Variants in C5orf47 observed in about 807,000 individuals in gnomAD.
C5orf47 encodes uncharacterized protein C5orf47.
Under a neutral mutation model 20.6 loss-of-function variants are expected in C5orf47, and 20 were observed. The ratio of observed to expected loss-of-function variants is 0.97; its 90% CI spans 0.68 to 1.41. C5orf47 has a LOEUF of 1.41. C5orf47 is among the 40% of genes most tolerant of loss of function. The pLI is 0.00. For synonymous variants in C5orf47, 106 were observed against 97.3 expected (o/e 1.09, Z -0.53); for missense variants, 262 against 238.4 (o/e 1.10, Z -0.65).
chr5:174,002,104 A>G (rs151171034), intron 4 of C5orf47, among the ~76,000 whole-genome samples: 408 of 151,732 alleles, frequency 2.7e-3, no homozygotes, highest in Non-Finnish European at 4.5e-3. Context: ...GACTACAAGT[A>G]TGCACCACCA....
At chr5:174,006,207 C>G (rs1759291375), downstream of C5orf47, 1 of 152,298 alleles carries the variant, frequency 6.6e-6, no homozygotes, top group Non-Finnish European at 1.5e-5. Flanking sequence ...TGAGTAGAAA[C>G]ATTCACTCAC....
intron 1 of C5orf47, among the ~76,000 whole-genome samples, chr5:173,996,047 TG>T (rs1759092246): frequency 6.6e-6 from 1 of 152,182 alleles, no homozygotes; most frequent in East Asian, 1.9e-4. Context: ...AATGCTATTG[TG>T]GAAGTACAAA....
intron 1 of C5orf47, among the ~76,000 whole-genome samples, chr5:173,991,703 G>A (rs1759000717): frequency 6.6e-6 from 1 of 152,110 alleles, no homozygotes; most frequent in South Asian, 2.1e-4. Context: ...ATACAGTGTT[G>A]GATTCTGCTA....
Position 173,989,400 on chromosome 5 carries a change from G to C in C5orf47, c.137G>C (p.Gly46Ala), listed in dbSNP as rs371009654. Reference protein sequence around the residue: ...GAQGLWGQGPGAGCRQEKPRE... With the variant: ...GAQGLWGQGPAAGCRQEKPRE... ...CAAGGCCTTTGGGGTCAGGGGCCTGGGGCAGGCTGTCGCCAGGAGAAGCCG... is the reference window on the plus strand; with the variant it reads ...CAAGGCCTTTGGGGTCAGGGGCCTGCGGCAGGCTGTCGCCAGGAGAAGCCG... The change falls in exon 1 of 5, where the codon GGG becomes GCG. Residue 46 changes from glycine to alanine, a missense_variant. Gly to Ala is a moderately conservative substitution (Grantham distance 60). Transcript: ENST00000340147. 1 of 1,544,988 alleles carries C rather than the reference G, an allele frequency of 6.5e-7. No individual in the cohort carries two copies. Among genetic ancestry groups the C allele is most frequent in the Non-Finnish European group, 8.7e-7 (1 of 1,143,774 alleles).
At chr5:174,008,631 G>C (rs936909809), downstream of C5orf47, among the ~76,000 whole-genome samples, 4 of 152,018 alleles carry the variant, frequency 2.6e-5, no homozygotes, top group Admixed American at 2.6e-4. Flanking sequence ...AGGAGATCGA[G>C]ACCATCTTGG....
intron 1 of C5orf47, among the ~76,000 whole-genome samples, chr5:173,997,844 G>T (rs981708714): frequency 1.3e-5 from 2 of 152,126 alleles, no homozygotes; most frequent in Non-Finnish European, 2.9e-5. Flanking sequence ...GATACACTGG[G>T]GCAAGATGTG....
chr5:173,996,379 G>A (rs1232835511), intron 1 of C5orf47, among the ~76,000 whole-genome samples: 1 of 152,148 alleles, frequency 6.6e-6, no homozygotes, highest in Non-Finnish European at 1.5e-5. Context: ...CACGTCTTCT[G>A]TACTTGTATT....
chr5:174,007,460 C>A (rs1285431622), downstream of C5orf47, among the ~76,000 whole-genome samples: 1 of 151,890 alleles, frequency 6.6e-6, no homozygotes, highest in African/African-American at 2.4e-5. Context: ...CAGATGCATT[C>A]TTTTCCATTT....
chr5:173,996,986 C>A (rs1157895838), intron 1 of C5orf47, among the ~76,000 whole-genome samples: 1 of 152,158 alleles, frequency 6.6e-6, no homozygotes, highest in Non-Finnish European at 1.5e-5. Flanking sequence ...GTGACCTGCT[C>A]CAAATCAGTG....
intron 1 of C5orf47, among the ~76,000 whole-genome samples, chr5:173,993,544 T>C (rs1448365741): frequency 6.6e-6 from 1 of 152,184 alleles, no homozygotes; most frequent in Admixed American, 6.5e-5. Flanking sequence ...CTGGGGAGGC[T>C]GAGTCAGGAG....
chr5:174,006,144 TG>T (rs1237679192), downstream of C5orf47: 3 of 152,368 alleles, frequency 2.0e-5, no homozygotes, highest in African/African-American at 7.2e-5. Flanking sequence ...GACTGCATTG[TG>T]GTCCTGCCTT....
intron 1 of C5orf47, among the ~76,000 whole-genome samples, chr5:173,990,039 C>G (rs6556099): frequency 0.67 from 101,818 of 152,014 alleles, 35,147 homozygotes; most frequent in Non-Finnish European, 0.75. Flanking sequence ...TCAACTTATT[C>G]CTAAATATTT....
At chr5:173,997,202 G>T (rs943371386) in intron 1 of C5orf47, among the ~76,000 whole-genome samples, 17 of 152,130 alleles carry the variant, frequency 1.1e-4, no homozygotes, top group African/African-American at 3.6e-4. Flanking sequence ...AAGGCTCCCT[G>T]GAAAGCTAAG....
downstream of C5orf47, among the ~76,000 whole-genome samples, chr5:174,008,413 T>A (rs1442942370): frequency 6.6e-6 from 1 of 152,206 alleles, no homozygotes; most frequent in Non-Finnish European, 1.5e-5. Context: ...GACCTTATGA[T>A]GTTAGAGATG....
At chr5:173,989,661 G>C in intron 1 of C5orf47, 73 bp downstream of exon 1, 1 of 1,252,558 alleles carries the variant, frequency 8.0e-7, no homozygotes, top group Non-Finnish European at 1.0e-6. Context: ...GCTGCTGGGC[G>C]CCATCTTGCG....
At chr5:173,990,125 A>ATTTTTT (rs11292600) in intron 1 of C5orf47, among the ~76,000 whole-genome samples, 3 of 138,216 alleles carry the variant, frequency 2.2e-5, no homozygotes, top group African/African-American at 8.1e-5. Context: ...TAGGAAGCCA[A>ATTTTTT]TTTTTTTTTT....
chr5:173,995,856 G>A (rs1162966830), intron 1 of C5orf47, among the ~76,000 whole-genome samples: 1 of 152,182 alleles, frequency 6.6e-6, no homozygotes, highest in Non-Finnish European at 1.5e-5. Context: ...TCAGAGACAG[G>A]TGCACTTCTG....
intron 1 of C5orf47, among the ~76,000 whole-genome samples, chr5:173,997,722 G>A (rs1185031744): frequency 6.6e-6 from 1 of 152,138 alleles, no homozygotes; most frequent in Non-Finnish European, 1.5e-5. Flanking sequence ...GTGTGTGTGT[G>A]TGTGTGCTGA....
At chr5:173,990,823 T>G (rs1362754811) in intron 1 of C5orf47, among the ~76,000 whole-genome samples, 1 of 152,248 alleles carries the variant, frequency 6.6e-6, no homozygotes, top group Non-Finnish European at 1.5e-5. Context: ...CACACCCTAG[T>G]AACTGCCACC....
Sources: allele counts gnomAD v4.1 joint callset (sites outside exome capture counted in the v4.1 genomes callset), GRCh38; gene constraint gnomAD v4.1.1; transcripts MANE v1.5; gene names NCBI Gene and HGNC (gene_info 2026-07-23, HGNC 2026-07-21).